The following PBRM1 variants were observed in gnomAD, a reference collection of about 807,000 sequenced individuals.
PBRM1 encodes the protein polybromo 1, also known as protein polybromo-1.
In PBRM1, 27 loss-of-function variants were observed where a neutral mutation model predicts 194.5. The ratio of observed to expected loss-of-function variants is 0.14; its 90% CI spans 0.10 to 0.19. PBRM1 has a LOEUF of 0.19. Among genes scored for constraint, PBRM1 ranks in the 10% least tolerant of loss-of-function variants. The pLI is 1.00. For missense variants in PBRM1, 1,466 were observed against 2,077.2 expected, an observed-to-expected ratio of 0.71 and a Z score of 5.72; for synonymous variants, 655 against 693.2, an observed-to-expected ratio of 0.94 and a Z score of 0.87.
At position 52,641,935 on chromosome 3, in the gene PBRM1, G is replaced by C. The variant is rs1577352689; in HGVS notation, c.1087+19C>G. 6.8e-7 allele frequency: 1 copy of C among 1,467,204 alleles called. No individual in the cohort carries two copies. Among genetic ancestry groups the C allele is most frequent in the Non-Finnish European group, 9.6e-7 (1 of 1,045,888 alleles). 90.9% of individuals were successfully genotyped at this position (1,467,204 alleles called of 1,614,324 possible). On this transcript the variant is annotated intron_variant, in intron 10 of 29. Transcript: ENST00000296302. Reference sequence around the variant, plus strand: ...GATCCACTAAGAAGGCATTTCGCTAGTCAAAACCTAATGCCTACCAGCTAA... The same window carrying C: ...GATCCACTAAGAAGGCATTTCGCTACTCAAAACCTAATGCCTACCAGCTAA...
intron 12 of PBRM1, 73 bp downstream of exon 13, chr3:52,628,821 A>G: frequency 7.4e-7 from 1 of 1,358,154 alleles, no homozygotes; most frequent in Non-Finnish European, 1.0e-6. Flanking sequence ...ACATCTTACT[A>G]GAACACACTC....
intron 3 of PBRM1, among the ~76,000 whole-genome samples, chr3:52,666,025 T>C (rs2096827003): frequency 6.6e-6 from 1 of 152,154 alleles, no homozygotes; most frequent in Admixed American, 6.5e-5. Context: ...TCTATAGATG[T>C]TACAATTTCC....
chr3:52,646,121 T>C (rs1368178382), intron 7 of PBRM1, among the ~76,000 whole-genome samples: 2 of 152,200 alleles, frequency 1.3e-5, no homozygotes, highest in Non-Finnish European at 2.9e-5. Context: ...ATTAGTACTG[T>C]ATATTATTAA....
intron 2 of PBRM1, among the ~76,000 whole-genome samples, chr3:52,670,523 T>C (rs1661827840): frequency 6.6e-6 from 1 of 152,244 alleles, no homozygotes; most frequent in Non-Finnish European, 1.5e-5. Flanking sequence ...AACTTTTCTC[T>C]TTCAACAATA....
chr3:52,662,686 C>T (rs1430600006), intron 3 of PBRM1, among the ~76,000 whole-genome samples: 1 of 151,860 alleles, frequency 6.6e-6, no homozygotes, highest in Non-Finnish European at 1.5e-5. Flanking sequence ...ATTAGCTGGG[C>T]GTGGTGGTAC....
At chr3:52,593,639 T>C (rs143989037) in intron 17 of PBRM1, among the ~76,000 whole-genome samples, 1 of 152,350 alleles carries the variant, frequency 6.6e-6, no homozygotes, top group East Asian at 1.9e-4. Context: ...TCTTTGTTTT[T>C]GTTCGTTTCA....
upstream of PBRM1, chr3:52,685,897 G>A: frequency 1.6e-6 from 1 of 626,508 alleles, no homozygotes; most frequent in South Asian, 1.8e-5. Context: ...TACCCCTCCC[G>A]GTGCCGCCGC....
intron 7 of PBRM1, 45 bp from the exon 9 acceptor site, chr3:52,644,834 G>T: frequency 1.0e-6 from 1 of 953,158 alleles, no homozygotes; most frequent in Non-Finnish European, 1.7e-6. Context: ...ACAGATAAAA[G>T]GACAGCTTAA....
In PBRM1 at chr3:52,674,061, T is replaced by A. The variant is rs576052693; in HGVS notation, c.236+4439A>T. On this transcript the variant is annotated intron_variant, in intron 2 of 29. Transcript: ENST00000296302. ...GCAAGACACTGTCTCAAAAAAAAAA[T>A]ATATATATAGATATATATATAGAAT... 1.4e-3 allele frequency among the ~76,000 whole-genome samples: 217 copies of A among 150,408 alleles called. 1 individual carries two copies. The highest frequency in any genetic ancestry group is 4.7e-3 in the East Asian group (24 of 5,104).
chr3:52,602,393 G>GTATA (rs986544351), intron 17 of PBRM1, among the ~76,000 whole-genome samples: 20 of 152,178 alleles, frequency 1.3e-4, no homozygotes, highest in African/African-American at 4.3e-4. Context: ...ACAGATCTGT[G>GTATA]TATAGGTTGG....
chr3:52,658,721 T>G (rs553764420), intron 4 of PBRM1, among the ~76,000 whole-genome samples: 10 of 152,290 alleles, frequency 6.6e-5, no homozygotes, highest in Admixed American at 2.0e-4. Context: ...CAGTACTTAT[T>G]TTAACTCCAA....
chr3:52,548,223 T>C, exon 30 of PBRM1: 1 of 1,574,422 alleles, frequency 6.4e-7, no homozygotes, highest in East Asian at 2.3e-5. Flanking sequence ...CAAATGGACG[T>C]CGCGTCTTCG....
chr3:52,575,318 G>A (rs1444647948), intron 22 of PBRM1, among the ~76,000 whole-genome samples: 3 of 152,024 alleles, frequency 2.0e-5, no homozygotes, highest in South Asian at 2.1e-4. Flanking sequence ...GCCTGAGGAT[G>A]GGGAGAATCT....
At chr3:52,571,182 G>A (rs1169656254) in intron 22 of PBRM1, among the ~76,000 whole-genome samples, 1 of 152,046 alleles carries the variant, frequency 6.6e-6, no homozygotes, top group Non-Finnish European at 1.5e-5. Flanking sequence ...AATTAGCTGG[G>A]CATGGTGGCA....
chr3:52,559,119 A>C (rs2082848244), intron 25 of PBRM1, among the ~76,000 whole-genome samples: 1 of 152,214 alleles, frequency 6.6e-6, no homozygotes. Flanking sequence ...GTAGCAATGG[A>C]CAATGTACTG....
chr3:52,628,711 A>G (rs1030012762), intron 12 of PBRM1, among the ~76,000 whole-genome samples, 183 bp downstream of exon 13: 1 of 151,984 alleles, frequency 6.6e-6, no homozygotes, highest in Non-Finnish European at 1.5e-5. Flanking sequence ...AGCTCTAGTG[A>G]TTCTCTCACC....
chr3:52,637,302 G>A (rs918114395), intron 10 of PBRM1, among the ~76,000 whole-genome samples: 27 of 152,056 alleles, frequency 1.8e-4, no homozygotes, highest in Non-Finnish European at 3.7e-4. Flanking sequence ...GTTTCTGTTG[G>A]TAAGGGAAAT....
chr3:52,552,285 C>T (rs1362496410), intron 27 of PBRM1, among the ~76,000 whole-genome samples: 1 of 152,156 alleles, frequency 6.6e-6, no homozygotes, highest in East Asian at 1.9e-4. Flanking sequence ...AATCAGCAAA[C>T]TCTTCTGCTT....
Position 52,676,148 on chromosome 3 carries a change from AAAAAT to A in PBRM1, c.236+2347_236+2351del, listed in dbSNP as rs1434780594. ...AAAAAAAAAAAAAAAAAAAAAAAAA[AAAAAT>A]AATGAATGAAGCGGGATCCTTACCT... On this transcript the variant is annotated intron_variant, in intron 2 of 29. Coordinates refer to ENST00000296302, the Ensembl canonical transcript of PBRM1. 1.2e-4 allele frequency among the ~76,000 whole-genome samples: 15 copies of A among 123,664 alleles called. 2 individuals are homozygous for A. The highest frequency in any genetic ancestry group is 2.0e-4 in the East Asian group (1 of 4,982). The allele number at this position is 123,664 out of a possible 152,430, so 81.1% of individuals were successfully genotyped here. A position where few individuals can be genotyped will look rare whatever the true frequency, so the allele number is the denominator to read the frequency against.
Sources: gnomAD v4.1 joint callset for allele counts (sites outside exome capture counted in the v4.1 genomes callset) on GRCh38, gnomAD v4.1.1 for gene constraint, MANE v1.5 for transcripts, NCBI Gene and HGNC (gene_info 2026-07-23, HGNC 2026-07-21) for gene names.